PTPRD: variants seen among roughly 807,000 people sequenced by gnomAD.
PTPRD encodes receptor-type tyrosine-protein phosphatase delta.
PTPRD carries 34 observed loss-of-function variants against 214.5 expected under a neutral mutation model. That is an observed-to-expected ratio of 0.16 (90% CI 0.12 to 0.21). The LOEUF (loss-of-function observed/expected upper bound fraction) is 0.21. Among genes scored for constraint, PTPRD ranks in the 10% least tolerant of loss-of-function variants. The pLI is 1.00. For synonymous variants in PTPRD, 1,128 were observed against 845.7 expected, an observed-to-expected ratio of 1.33 and a Z score of -5.79; for missense variants, 2,545 against 2,398.7, an observed-to-expected ratio of 1.06 and a Z score of -1.27.
intron 2 of PTPRD, among the ~76,000 whole-genome samples, chr9:10,592,962 G>A (rs568869484): frequency 6.6e-5 from 10 of 151,840 alleles, no homozygotes; most frequent in Admixed American, 3.3e-4. Flanking sequence ...ATGTTCTTTC[G>A]CTCTTCACAA....
At chr9:10,298,093 C>T (rs2095740259) in intron 3 of PTPRD, among the ~76,000 whole-genome samples, 1 of 152,076 alleles carries the variant, frequency 6.6e-6, no homozygotes, top group South Asian at 2.1e-4. Context: ...TTTGGAGGCG[C>T]TTGCATTAAA....
intron 3 of PTPRD, among the ~76,000 whole-genome samples, chr9:10,157,791 G>C (rs1161902587): frequency 6.6e-6 from 1 of 151,890 alleles, no homozygotes; most frequent in Non-Finnish European, 1.5e-5. Context: ...TCATAGATTT[G>C]ACCTCCATAC....
chr9:9,185,895 C>T (rs989295979), intron 9 of PTPRD, among the ~76,000 whole-genome samples: 1 of 149,188 alleles, frequency 6.7e-6, no homozygotes, highest in African/African-American at 2.5e-5. Context: ...GCCTCTCAGA[C>T]CACCACACAA....
At chr9:9,492,993 C>T (rs866365937) in intron 8 of PTPRD, among the ~76,000 whole-genome samples, 1 of 146,254 alleles carries the variant, frequency 6.8e-6, no homozygotes, top group Non-Finnish European at 1.5e-5. Flanking sequence ...CTGACTGCTC[C>T]ACTAATTGGC....
chr9:10,017,167 G>C (rs1023215501), intron 4 of PTPRD, among the ~76,000 whole-genome samples: 2 of 152,152 alleles, frequency 1.3e-5, no homozygotes, highest in Non-Finnish European at 2.9e-5. Context: ...AGTTTTGACA[G>C]TCTGGTGGAC....
At chr9:10,363,999 T>TTTTTTTTTG (rs2097455157) in intron 2 of PTPRD, among the ~76,000 whole-genome samples, 2 of 7,922 alleles carry the variant, frequency 2.5e-4, no homozygotes, top group East Asian at 5.1e-3. Context: ...GGGTTTTTTT[T>TTTTTTTTTG]TTTTTTTTTT....
chr9:10,057,695 T>A (rs990479887), intron 3 of PTPRD, among the ~76,000 whole-genome samples: 1 of 151,758 alleles, frequency 6.6e-6, no homozygotes, highest in African/African-American at 2.4e-5. Context: ...TACAAAAAAA[T>A]TAGCTGGGCG....
Position 9,789,796 on chromosome 9 carries a change from C to CAAAAAA in PTPRD, c.-367-22951_-367-22946dup, listed in dbSNP as rs774579667. On this transcript the variant is annotated intron_variant, in intron 5 of 45. Coordinates refer to ENST00000381196, the MANE Select transcript of PTPRD (RefSeq NM_002839.4). Reference sequence around the variant, plus strand: ...TGGGCAACAGAGCCAAACTCTGTCTCAAAAAAAAAAAAAAAAAAAAAAAAA... The same window carrying CAAAAAA: ...TGGGCAACAGAGCCAAACTCTGTCTCAAAAAAAAAAAAAAAAAAAAAAAAAAAAAAA... Among the ~76,000 whole-genome samples, 392 of 40,640 alleles carry CAAAAAA rather than the reference C, an allele frequency of 9.6e-3. 16 individuals are homozygous for CAAAAAA. The highest frequency in any genetic ancestry group is 0.02 in the African/African-American group (247 of 12,232). 26.7% of individuals were successfully genotyped at this position (40,640 alleles called of 152,430 possible).
At chr9:9,982,273 A>G (rs1237269756) in intron 4 of PTPRD, among the ~76,000 whole-genome samples, 2 of 152,178 alleles carry the variant, frequency 1.3e-5, no homozygotes, top group Non-Finnish European at 2.9e-5. Flanking sequence ...CAGATCCACA[A>G]GGACCAAACA....
chr9:9,991,387 G>A (rs762690990), intron 4 of PTPRD, among the ~76,000 whole-genome samples: 37 of 149,242 alleles, frequency 2.5e-4, no homozygotes, highest in Non-Finnish European at 5.1e-4. Context: ...TTGAAATGGA[G>A]TTTTGTTCTT....
intron 10 of PTPRD, among the ~76,000 whole-genome samples, chr9:9,019,190 T>C (rs1272209176): frequency 6.6e-6 from 1 of 151,880 alleles, no homozygotes; most frequent in Non-Finnish European, 1.5e-5. Context: ...CCATTGAGTT[T>C]CTTTGAACAA....
At chr9:8,632,295 C>A (rs755483533) in intron 14 of PTPRD, among the ~76,000 whole-genome samples, 1 of 151,818 alleles carries the variant, frequency 6.6e-6, no homozygotes, top group Non-Finnish European at 1.5e-5. Context: ...TCAAATCAAA[C>A]TTTTTTATTT....
chr9:9,442,368 A>G (rs1174157000), intron 8 of PTPRD: 1 of 152,232 alleles, frequency 6.6e-6, no homozygotes, highest in Non-Finnish European at 1.5e-5. Context: ...CATTACAGAG[A>G]CAAATATCCA....
At chr9:8,762,218 A>G (rs1053825049) in intron 11 of PTPRD, among the ~76,000 whole-genome samples, 1 of 152,184 alleles carries the variant, frequency 6.6e-6, no homozygotes, top group African/African-American at 2.4e-5. Flanking sequence ...GAACTGTATC[A>G]TAACTAATTT....
intron 3 of PTPRD, among the ~76,000 whole-genome samples, chr9:10,261,182 A>G (rs1050562306): frequency 6.6e-6 from 1 of 151,208 alleles, no homozygotes; most frequent in African/African-American, 2.4e-5. Context: ...CAAAAGATCA[A>G]AACAACTTGG....
At chr9:9,859,407 T>C (rs192261110) in intron 5 of PTPRD, among the ~76,000 whole-genome samples, 24 of 152,312 alleles carry the variant, frequency 1.6e-4, no homozygotes, top group African/African-American at 5.8e-4. Flanking sequence ...AAATAATGCC[T>C]TGGTCAACCA....
chr9:9,820,002 C>T (rs1174533376), intron 5 of PTPRD, among the ~76,000 whole-genome samples: 2 of 152,034 alleles, frequency 1.3e-5, no homozygotes, highest in Non-Finnish European at 2.9e-5. Flanking sequence ...GGATATATAC[C>T]AAGTAACAGG....
At chr9:9,175,058 G>T (rs1316323024) in intron 10 of PTPRD, among the ~76,000 whole-genome samples, 1 of 152,034 alleles carries the variant, frequency 6.6e-6, no homozygotes, top group Admixed American at 6.6e-5. Context: ...CTATGAACCA[G>T]GAAATGATCC....
chr9:8,520,325 T>A (rs578075384), intron 20 of PTPRD, among the ~76,000 whole-genome samples: 3 of 152,260 alleles, frequency 2.0e-5, no homozygotes, highest in African/African-American at 7.2e-5. Context: ...TGTCATTAGT[T>A]TTATATAGCA....
Sources: allele counts gnomAD v4.1 joint callset (sites outside exome capture counted in the v4.1 genomes callset), GRCh38; gene constraint gnomAD v4.1.1; transcripts MANE v1.5; gene names NCBI Gene and HGNC (gene_info 2026-07-23, HGNC 2026-07-21).